Variants in KCTD1 observed in about 807,000 individuals in gnomAD.
The protein encoded by KCTD1 is potassium channel tetramerization domain containing 1.
KCTD1 carries 24 observed loss-of-function variants against 66.0 expected under a neutral mutation model. The observed-to-expected ratio is 0.36, with a 90% confidence interval of 0.26 to 0.51. KCTD1 has a LOEUF of 0.51. KCTD1 is among the 20% of genes least tolerant of loss of function. KCTD1 has a pLI of 0.95. For synonymous variants in KCTD1, 511 were observed against 517.2 expected (o/e 0.99, Z 0.16); for missense variants, 943 against 1,205.2 (o/e 0.78, Z 3.22).
intron 1 of KCTD1, among the ~76,000 whole-genome samples, chr18:26,526,041 CAG>C (rs1174457298): frequency 6.6e-6 from 1 of 151,892 alleles, no homozygotes; most frequent in African/African-American, 2.4e-5. Context: ...AAGAGTAGTT[CAG>C]AGAGAGACAT....
intron 1 of KCTD1, among the ~76,000 whole-genome samples, chr18:26,616,190 G>A (rs1204282902): frequency 1.4e-5 from 2 of 147,082 alleles, no homozygotes; most frequent in African/African-American, 2.5e-5. Context: ...CAGGTGATGA[G>A]TTGGAATTAA....
At chr18:26,601,323 T>C (rs2144970403) in intron 1 of KCTD1, among the ~76,000 whole-genome samples, 2 of 23,248 alleles carry the variant, frequency 8.6e-5, no homozygotes, top group South Asian at 3.1e-3. Context: ...AAGTGTTCAT[T>C]GGTAAAAAAA....
At chr18:26,632,539 A>G (rs1321251763), upstream of KCTD1, among the ~76,000 whole-genome samples, 2 of 152,208 alleles carry the variant, frequency 1.3e-5, no homozygotes, top group Non-Finnish European at 2.9e-5. Flanking sequence ...AAGAAGAAAT[A>G]AATATTTTTG....
At position 26,606,786 on chromosome 18, in the gene KCTD1, C is replaced by T. The variant is rs181738976; in HGVS notation, c.-16+22361G>A. On this transcript the variant is annotated intron_variant, in intron 1 of 4. Transcript: ENST00000317932. The stretch of plus-strand genomic sequence containing the variant: ...GGTCAGCATAATGGCTTAGGTGACA[C>T]ATAGACTCGTGTAACATAAAGACTG... Among the ~76,000 whole-genome samples the T allele has an allele frequency of 3.0e-3, 460 of 152,340 alleles. 2 individuals carry two copies. Among genetic ancestry groups the T allele is most frequent in the African/African-American group, 0.011 (452 of 41,584 alleles).
At chr18:26,625,524 T>C (rs1987479994) in intron 1 of KCTD1, among the ~76,000 whole-genome samples, 1 of 152,136 alleles carries the variant, frequency 6.6e-6, no homozygotes, top group African/African-American at 2.4e-5. Context: ...GAGAAGGACA[T>C]GTTTGTTTCC....
intron 1 of KCTD1, among the ~76,000 whole-genome samples, chr18:26,513,898 A>G (rs775272721): frequency 2.6e-5 from 4 of 152,236 alleles, no homozygotes; most frequent in Non-Finnish European, 5.9e-5. Context: ...AGATTCCTTA[A>G]CAATCACACC....
chr18:26,550,226 A>G (rs1318279541), upstream of KCTD1, among the ~76,000 whole-genome samples: 3 of 152,172 alleles, frequency 2.0e-5, no homozygotes, highest in Non-Finnish European at 4.4e-5. The surrounding 1 kb of genome is among the most constrained non-coding windows in gnomAD (Gnocchi z 5.4). Context: ...CTCGGCAGTT[A>G]GGCTGTGAGA....
chr18:26,490,293 G>T (rs1267031940), intron 2 of KCTD1, among the ~76,000 whole-genome samples: 1 of 152,200 alleles, frequency 6.6e-6, no homozygotes, highest in African/African-American at 2.4e-5. Context: ...TATAGATTAA[G>T]TAAACAGCAG....
chr18:26,496,725 T>TA (rs1453010728), intron 2 of KCTD1, among the ~76,000 whole-genome samples: 2 of 141,502 alleles, frequency 1.4e-5, no homozygotes, highest in Admixed American at 7.3e-5. Context: ...GTTTACAAGC[T>TA]AAAAAAAAGC....
intron 1 of KCTD1, among the ~76,000 whole-genome samples, chr18:26,527,019 C>G (rs919415241): frequency 1.3e-5 from 2 of 152,148 alleles, no homozygotes; most frequent in Admixed American, 1.3e-4. Context: ...CCTTAATTCC[C>G]AAACTACCTG....
rs78182199 is a variant in KCTD1 at position 26,611,853 on chromosome 18, T to C, written c.-16+17294A>G. 3.9e-3 allele frequency among the ~76,000 whole-genome samples: 601 copies of C among 152,330 alleles called. 6 individuals carry two copies. Among genetic ancestry groups the C allele is most frequent in the African/African-American group, 0.014 (583 of 41,590 alleles). On this transcript the variant is annotated intron_variant, in intron 1 of 4. Transcript: ENST00000317932. ...TGTTGCTATAAATATTTTTGAGCTT[T>C]GTTCTGGGATGAGTTAAGTTACTTG...
intron 3 of KCTD1, among the ~76,000 whole-genome samples, chr18:26,472,521 T>C (rs1981124011): frequency 1.3e-5 from 2 of 152,182 alleles, no homozygotes; most frequent in Non-Finnish European, 2.9e-5. Flanking sequence ...AAGTGAAATA[T>C]CCTCCCTCAC....
In KCTD1 at chr18:26,653,327, C is replaced by G. The variant is rs565924157; in HGVS notation, c.9+4033G>C. 2.6e-5 allele frequency among the ~76,000 whole-genome samples: 4 copies of G among 152,308 alleles called. No homozygotes were observed. In the East Asian group the frequency reaches 7.7e-4, roughly 29 times the overall value. On this transcript the variant is annotated intron_variant, in intron 1 of 4. Transcript: ENST00000580191. ...TCTCCTGGCTTGGTAAAATACTGTT[C>G]CTTCTTTTTTCTCCCTGGAACTTCG...
upstream of KCTD1, chr18:26,548,795 C>T (rs1183170892): frequency 3.1e-5 from 34 of 1,108,306 alleles, no homozygotes; most frequent in African/African-American, 4.9e-4. Context: ...CCTTCTTCCT[C>T]CCCCACCCGG....
At chr18:26,652,924 G>A (rs533462793) in intron 1 of KCTD1, among the ~76,000 whole-genome samples, 29 of 152,310 alleles carry the variant, frequency 1.9e-4, no homozygotes, top group African/African-American at 6.0e-4. Flanking sequence ...GTGTCCACTT[G>A]ACACTTCTCT....
In KCTD1 at chr18:26,609,333, A is replaced by G. The variant is rs112416198; in HGVS notation, c.-16+19814T>C. Among the ~76,000 whole-genome samples the G allele has an allele frequency of 4.3e-3, 648 of 152,244 alleles. 2 individuals carry two copies. Among genetic ancestry groups the G allele is most frequent in the African/African-American group, 0.015 (610 of 41,554 alleles). ...AATGCATCATGGCCTAATTCTCCCT[A>G]ATGGGCTGTGATATTAAAATGAATT... On this transcript the variant is annotated intron_variant, in intron 1 of 4. Coordinates refer to the KCTD1 transcript ENST00000317932.
intron 1 of KCTD1, among the ~76,000 whole-genome samples, chr18:26,639,621 T>C (rs937823019): frequency 3.3e-5 from 5 of 152,204 alleles, no homozygotes; most frequent in African/African-American, 9.7e-5. Flanking sequence ...TATTGTATTC[T>C]TATTATCTCT....
At chr18:26,499,900 C>T (rs1328565266) in intron 2 of KCTD1, among the ~76,000 whole-genome samples, 1 of 152,232 alleles carries the variant, frequency 6.6e-6, no homozygotes, top group Non-Finnish European at 1.5e-5. Flanking sequence ...CTTACAGGAT[C>T]TGGACATAGC....
chr18:26,638,010 A>C (rs1987759857), intron 1 of KCTD1, among the ~76,000 whole-genome samples: 1 of 152,178 alleles, frequency 6.6e-6, no homozygotes, highest in South Asian at 2.1e-4. Flanking sequence ...GTCACATCAA[A>C]GACTTAAGGA....
Sources: gnomAD v4.1 joint callset for allele counts (sites outside exome capture counted in the v4.1 genomes callset) on GRCh38, gnomAD v4.1.1 for gene constraint, Gnocchi (gnomAD v3.1) non-coding constraint, MANE v1.5 for transcripts, NCBI Gene and HGNC (gene_info 2026-07-23, HGNC 2026-07-21) for gene names.